Variants in SCAPER observed in about 807,000 individuals in gnomAD.
SCAPER encodes the protein S-phase cyclin A associated protein in the ER.
SCAPER carries 98 observed loss-of-function variants against 182.2 expected under a neutral mutation model. That is an observed-to-expected ratio of 0.54 (90% CI 0.46 to 0.64). The LOEUF (loss-of-function observed/expected upper bound fraction) is 0.64, where lower values mean the gene tolerates loss of function less well. SCAPER is among the 30% of genes least tolerant of loss of function. The probability of loss-of-function intolerance (pLI) is 0.00; values close to 1 mark genes in which losing one functional copy is unlikely to be tolerated. For missense variants in SCAPER, 1,432 were observed against 1,690.0 expected, an observed-to-expected ratio of 0.85 and a Z score of 2.68; for synonymous variants, 605 against 564.6, an observed-to-expected ratio of 1.07 and a Z score of -1.01.
chr15:76,651,031 T>G (rs1394031846), intron 21 of SCAPER, among the ~76,000 whole-genome samples: 3 of 151,962 alleles, frequency 2.0e-5, no homozygotes, highest in Non-Finnish European at 4.4e-5. Flanking sequence ...AGAGGGAAAG[T>G]GATAGCTATA....
intron 22 of SCAPER, among the ~76,000 whole-genome samples, chr15:76,604,983 T>C (rs2050249662): frequency 6.6e-6 from 1 of 152,186 alleles, no homozygotes; most frequent in African/African-American, 2.4e-5. Flanking sequence ...CAGGGACAAC[T>C]TGACTTCCTC....
chr15:76,853,083 A>T (rs2070931301), intron 4 of SCAPER, among the ~76,000 whole-genome samples: 1 of 152,214 alleles, frequency 6.6e-6, no homozygotes, highest in Admixed American at 6.5e-5. Flanking sequence ...CCTAGAAGAG[A>T]TGGATAAATT....
intron 2 of SCAPER, among the ~76,000 whole-genome samples, chr15:76,870,609 A>G (rs188486528): frequency 3.5e-4 from 54 of 152,208 alleles, no homozygotes; most frequent in Admixed American, 1.5e-3. Flanking sequence ...TGAAGAATCA[A>G]AAAACTGAAA....
chr15:76,398,525 T>G (rs1456161086), intron 27 of SCAPER, among the ~76,000 whole-genome samples: 1 of 152,180 alleles, frequency 6.6e-6, no homozygotes, highest in Non-Finnish European at 1.5e-5. Flanking sequence ...CGGGCAGAGT[T>G]AACATTTACC....
At chr15:76,434,849 G>A (rs926385217) in intron 25 of SCAPER, among the ~76,000 whole-genome samples, 4 of 152,128 alleles carry the variant, frequency 2.6e-5, no homozygotes, top group Non-Finnish European at 5.9e-5. Flanking sequence ...TACAAGTAAC[G>A]TGGTTATTAA....
intron 27 of SCAPER, among the ~76,000 whole-genome samples, chr15:76,383,992 T>C (rs897656950): frequency 2.0e-5 from 3 of 152,352 alleles, no homozygotes; most frequent in Non-Finnish European, 4.4e-5. Context: ...TTACACAAAC[T>C]TCTGTTAGCT....
At chr15:76,848,614 G>A (rs371537887) in intron 4 of SCAPER, among the ~76,000 whole-genome samples, 18 of 152,234 alleles carry the variant, frequency 1.2e-4, no homozygotes, top group Middle Eastern at 3.4e-3. Context: ...GATTATAGGC[G>A]TGAGCCACCA....
intron 16 of SCAPER, among the ~76,000 whole-genome samples, chr15:76,730,471 G>A (rs2060854474): frequency 6.6e-6 from 1 of 151,488 alleles, no homozygotes; most frequent in African/African-American, 2.4e-5. Flanking sequence ...TATTTCTCAT[G>A]ACTAATCAAG....
chr15:76,479,707 G>A (rs568262767), intron 24 of SCAPER, among the ~76,000 whole-genome samples: 4 of 152,186 alleles, frequency 2.6e-5, no homozygotes, highest in South Asian at 4.2e-4. Context: ...ATGTGGGAAG[G>A]TTTAATAATA....
intron 5 of SCAPER, among the ~76,000 whole-genome samples, chr15:76,825,023 G>A (rs2067880670): frequency 6.6e-6 from 1 of 152,062 alleles, no homozygotes; most frequent in South Asian, 2.1e-4. Flanking sequence ...CTGCCACTAA[G>A]AATAAATAGA....
chr15:76,714,566 C>CAGCAGCAGT (rs1340912792), intron 17 of SCAPER, among the ~76,000 whole-genome samples: 2 of 147,758 alleles, frequency 1.4e-5, no homozygotes, highest in African/African-American at 5.0e-5. Flanking sequence ...GTAGTAGTAG[C>CAGCAGCAGT]AGTAGTAGTA....
At chr15:76,519,537 T>C (rs943509418) in intron 23 of SCAPER, among the ~76,000 whole-genome samples, 1 of 152,190 alleles carries the variant, frequency 6.6e-6, no homozygotes, top group Non-Finnish European at 1.5e-5. Context: ...GCCCAGAACA[T>C]CTACTGTCCA....
intron 17 of SCAPER, among the ~76,000 whole-genome samples, chr15:76,721,722 CTGTT>C (rs1414066028): frequency 6.6e-6 from 1 of 151,948 alleles, no homozygotes; most frequent in East Asian, 1.9e-4. Context: ...ATTTGGCTCT[CTGTT>C]TGTCTGTTAT....
chr15:76,589,677 TG>T (rs1484480942), intron 22 of SCAPER, among the ~76,000 whole-genome samples: 1 of 152,168 alleles, frequency 6.6e-6, no homozygotes, highest in East Asian at 1.9e-4. Context: ...ACTGGATTCA[TG>T]CTCTCCCTCA....
Position 76,883,810 on chromosome 15 carries a change from A to C in SCAPER, c.6+2T>G. ...AAGGCTAGTCTTTAAGATATCACTT[A>C]CCATCATTCTTTAAATTCTCTTCTA... On this transcript the variant is annotated splice_donor_variant, in intron 2 of 31. Coordinates refer to ENST00000563290, the MANE Select transcript of SCAPER (RefSeq NM_020843.4). LOFTEE classifies it high-confidence loss of function. 1.3e-6 allele frequency: 2 copies of C among 1,536,744 alleles called. No individual in the cohort carries two copies. Among genetic ancestry groups the C allele is most frequent in the Non-Finnish European group, 1.8e-6 (2 of 1,136,938 alleles).
intron 14 of SCAPER, among the ~76,000 whole-genome samples, chr15:76,757,737 G>T (rs1325621948): frequency 6.6e-6 from 1 of 151,980 alleles, no homozygotes; most frequent in African/African-American, 2.4e-5. Flanking sequence ...AGCATACAAG[G>T]GTTCCATTTT....
intron 5 of SCAPER, among the ~76,000 whole-genome samples, chr15:76,814,940 A>G (rs62029183): frequency 0.076 from 11,618 of 152,242 alleles, 502 homozygotes; most frequent in Middle Eastern, 0.11. Flanking sequence ...ACAGATTTAA[A>G]AATGGGCAAA....
At chr15:76,561,732 G>A (rs951430930) in intron 23 of SCAPER, among the ~76,000 whole-genome samples, 2 of 150,950 alleles carry the variant, frequency 1.3e-5, no homozygotes, top group South Asian at 2.1e-4. Flanking sequence ...TTTTTTAGAC[G>A]GAGTTTCGCT....
At chr15:76,554,526 A>G (rs2046036577) in intron 23 of SCAPER, among the ~76,000 whole-genome samples, 1 of 152,166 alleles carries the variant, frequency 6.6e-6, no homozygotes, top group Non-Finnish European at 1.5e-5. Context: ...CTCAAGACAC[A>G]CAGTCATCAG....
Sources: allele counts gnomAD v4.1 joint callset (sites outside exome capture counted in the v4.1 genomes callset), GRCh38; gene constraint gnomAD v4.1.1; transcripts MANE v1.5; gene names NCBI Gene and HGNC (gene_info 2026-07-23, HGNC 2026-07-21).